The following LRIG3 variants were observed in gnomAD, a reference collection of about 807,000 sequenced individuals.
LRIG3 encodes leucine rich repeats and immunoglobulin like domains 3.
A neutral mutation model predicts 114.5 loss-of-function variants in LRIG3; 76 were observed. That is an observed-to-expected ratio of 0.66 (90% CI 0.55 to 0.80). LRIG3 has a LOEUF of 0.80. Ranked by LOEUF, LRIG3 falls within the 30% of genes least tolerant of loss-of-function variation. LRIG3 has a pLI of 0.00. For synonymous variants in LRIG3, 512 were observed against 519.8 expected, an observed-to-expected ratio of 0.98 and a Z score of 0.20; for missense variants, 1,239 against 1,382.8, an observed-to-expected ratio of 0.90 and a Z score of 1.65.
chr12:58,895,802 G>A (rs918889748), intron 3 of LRIG3, among the ~76,000 whole-genome samples: 10 of 152,298 alleles, frequency 6.6e-5, no homozygotes, highest in Middle Eastern at 3.4e-3. Flanking sequence ...CAGGACAGAC[G>A]ACAGAAGGAT....
chr12:58,914,996 C>T (rs543772811), intron 1 of LRIG3, among the ~76,000 whole-genome samples: 109 of 152,284 alleles, frequency 7.2e-4, no homozygotes, highest in African/African-American at 2.6e-3. Flanking sequence ...GAACAGATTT[C>T]AATCATTAAA....
chr12:58,919,597 C>A lies in LRIG3; in HGVS notation c.236+403G>T. 4 of 1,525,292 alleles carry A rather than the reference C, an allele frequency of 2.6e-6. No individual in the cohort carries two copies. The South Asian group carries it at 5.0e-5, about 19-fold the overall frequency. 94.5% of individuals were successfully genotyped at this position (1,525,292 alleles called of 1,614,324 possible). ...GACGCAGCTAGAAACTAAAACTGAA[C>A]CAGACTCATAACTCAGCGAGAACTG... On this transcript the variant is annotated intron_variant, in intron 1 of 18. Transcript: ENST00000320743.
At chr12:58,883,402 T>G (rs1045444757) in intron 11 of LRIG3, 118 bp downstream of exon 11, 1 of 593,064 alleles carries the variant, frequency 1.7e-6, no homozygotes, top group Non-Finnish European at 2.7e-6. Context: ...GTATAAAAAT[T>G]AAGTAATGTT....
intron 3 of LRIG3, 163 bp downstream of exon 3, chr12:58,913,819 A>G (rs1275073981): frequency 3.4e-6 from 2 of 586,994 alleles, no homozygotes; most frequent in African/African-American, 1.9e-5. Flanking sequence ...TGAGAGAGTT[A>G]GAGGCTAGAA....
chr12:58,874,316 G>A lies in LRIG3; in HGVS notation c.2854C>T (p.Pro952Ser), dbSNP rs1870838893. Residue 952 changes from proline (P) to serine (S), a missense_variant, in exon 18 of 19, where the codon CCA becomes TCA. Transcript: ENST00000320743. The stretch of plus-strand genomic sequence containing the variant: ...TAGTGGTCCATTAAAACTGTTCTTG[G>A]GTCAGGACTGCAACCTTTTTAATAT... ...ETYHTGCSPD[P>S]RTVLMDHYEP... 1 of 1,610,282 alleles carries A rather than the reference G, an allele frequency of 6.2e-7. No homozygotes were observed. Among genetic ancestry groups the A allele is most frequent in the Non-Finnish European group, 8.5e-7 (1 of 1,178,538 alleles).
intron 10 of LRIG3, among the ~76,000 whole-genome samples, chr12:58,884,963 A>C (rs541253491): frequency 6.6e-6 from 1 of 152,332 alleles, no homozygotes; most frequent in South Asian, 2.1e-4. Context: ...CCCTTAGTTA[A>C]AACATGCAAG....
intron 14 of LRIG3, among the ~76,000 whole-genome samples, chr12:58,878,332 T>C (rs1206726128): frequency 1.3e-5 from 2 of 152,218 alleles, no homozygotes; most frequent in East Asian, 3.8e-4. Flanking sequence ...TAATTAGCTC[T>C]TTCAAAGATA....
intron 3 of LRIG3, among the ~76,000 whole-genome samples, chr12:58,897,113 C>T (rs1871671427): frequency 6.6e-6 from 1 of 152,174 alleles, no homozygotes; most frequent in African/African-American, 2.4e-5. Flanking sequence ...AACTGCTCAT[C>T]TCTTTTCTAA....
chr12:58,916,591 T>C (rs1872490474), intron 1 of LRIG3, among the ~76,000 whole-genome samples: 1 of 152,218 alleles, frequency 6.6e-6, no homozygotes, highest in Admixed American at 6.5e-5. Flanking sequence ...ACCCAGATCA[T>C]AAAACATTCA....
intron 3 of LRIG3, among the ~76,000 whole-genome samples, chr12:58,897,793 G>T (rs1386195235): frequency 6.6e-6 from 1 of 152,118 alleles, no homozygotes; most frequent in Non-Finnish European, 1.5e-5. Context: ...CAATAAAAAT[G>T]GACTCTACTT....
chr12:58,878,397 G>GA (rs199918514), intron 14 of LRIG3, among the ~76,000 whole-genome samples: 39 of 150,844 alleles, frequency 2.6e-4, no homozygotes, highest in East Asian at 1.2e-3. Context: ...GGTAAAAGAT[G>GA]AAAAAAAAAC....
chr12:58,883,011 A>T lies in LRIG3; in HGVS notation c.1338T>A (p.Leu446=). The T allele has an allele frequency of 6.2e-7, 1 of 1,613,700 alleles. No individual in the cohort carries two copies. The highest frequency in any genetic ancestry group is 8.5e-7 in the Non-Finnish European group (1 of 1,179,788). The change falls in exon 12 of 19, where the codon CTT becomes CTA. Residue 446 remains leucine (L), a synonymous_variant. Transcript: ENST00000320743. ...LQQLHLNTSS[L]LCDCQLKWLP... is the part of the protein sequence containing the mutation. Reference sequence around the variant, plus strand: ...GCCATTTTAGCTGGCAATCGCACAAAAGGCTTGATGTATTTAAATGCCTGA... The same window carrying T: ...GCCATTTTAGCTGGCAATCGCACAATAGGCTTGATGTATTTAAATGCCTGA...
chr12:58,897,713 A>G (rs930423511), intron 3 of LRIG3, among the ~76,000 whole-genome samples: 2 of 152,264 alleles, frequency 1.3e-5, no homozygotes, highest in African/African-American at 4.8e-5. Flanking sequence ...GAAATTTGAA[A>G]AGCAAATCCT....
intron 11 of LRIG3, 103 bp from the exon 12 acceptor site, chr12:58,883,135 G>A: frequency 9.3e-7 from 1 of 1,078,192 alleles, no homozygotes; most frequent in Non-Finnish European, 1.3e-6. Context: ...TTTGGAAACT[G>A]AATACACACA....
At chr12:58,888,231 CTTTG>C in intron 7 of LRIG3, 94 bp downstream of exon 7, 1 of 1,424,736 alleles carries the variant, frequency 7.0e-7, no homozygotes, top group Non-Finnish European at 9.4e-7. Context: ...ACCTTGGAAA[CTTTG>C]TTATGAAAAT....
chr12:58,886,543 C>T (rs771677849), intron 9 of LRIG3, among the ~76,000 whole-genome samples: 1 of 151,840 alleles, frequency 6.6e-6, no homozygotes, highest in Non-Finnish European at 1.5e-5. Context: ...AGTGTAAGCC[C>T]TCAACATAGA....
At position 58,874,133 on chromosome 12, in the gene LRIG3, G is replaced by A. The variant is rs755750729; in HGVS notation, c.3037C>T (p.Leu1013=). The A allele has an allele frequency of 2.5e-6, 4 of 1,614,098 alleles. No homozygotes were observed. The highest frequency in any genetic ancestry group is 1.7e-5 in the Admixed American group (1 of 60,006). ...TCTAAAGAGGACTTGTTTAGACACA[G>A]ATTTTTCATTCCAGGTCCTTCATTG... ...SHNEGPGMKN[L]CLNKSSLDFS... Residue 1013 remains leucine (L), a synonymous_variant, in exon 18 of 19, where the codon CTG becomes TTG. Coordinates refer to ENST00000320743, the MANE Select transcript of LRIG3 (RefSeq NM_153377.5).
At chr12:58,918,393 C>A (rs915415325) in intron 1 of LRIG3, among the ~76,000 whole-genome samples, 1 of 151,980 alleles carries the variant, frequency 6.6e-6, no homozygotes, top group Admixed American at 6.5e-5. Context: ...TGATCAAGGG[C>A]AACACAGATT....
intron 9 of LRIG3, 54 bp from the exon 10 acceptor site, chr12:58,885,956 G>A: frequency 8.3e-7 from 1 of 1,208,800 alleles, no homozygotes. Flanking sequence ...TTTTGGGGTG[G>A]AACTCTCATA....
Sources: allele counts gnomAD v4.1 joint callset (sites outside exome capture counted in the v4.1 genomes callset), GRCh38; gene constraint gnomAD v4.1.1; transcripts MANE v1.5; gene names NCBI Gene and HGNC (gene_info 2026-07-23, HGNC 2026-07-21).